Variants in MMS19 observed in about 807,000 individuals in gnomAD.
The protein encoded by MMS19 is MMS19 nucleotide excision repair protein homolog.
MMS19 carries 77 observed loss-of-function variants against 129.8 expected under a neutral mutation model. The observed-to-expected ratio is 0.59, with a 90% CI of 0.49 to 0.72. The LOEUF is 0.72. Among genes scored for constraint, MMS19 ranks in the 30% least tolerant of loss-of-function variants. The probability of loss-of-function intolerance (pLI) is 0.00; values close to 1 mark genes in which losing one functional copy is unlikely to be tolerated. For synonymous variants in MMS19, 491 were observed against 502.8 expected (o/e 0.98, Z 0.31); for missense variants, 1,168 against 1,266.3 (o/e 0.92, Z 1.18).
chr10:97,498,690 AC>A, upstream of MMS19: 1 of 421,468 alleles, frequency 2.4e-6, no homozygotes, highest in Non-Finnish European at 4.3e-6. Context: ...GAGGGGCGGT[AC>A]GCACCACGGG....
At chr10:97,459,127 C>T (rs1229459092) in intron 29 of MMS19, 96 bp downstream of exon 29, 2 of 1,225,412 alleles carry the variant, frequency 1.6e-6, no homozygotes, top group Admixed American at 2.4e-5. Context: ...CTCAATTACA[C>T]ACCAGGGTGG....
chr10:97,484,044 A>G, intron 2 of MMS19, 59 bp downstream of exon 2: 1 of 1,188,660 alleles, frequency 8.4e-7, no homozygotes, highest in Non-Finnish European at 1.2e-6. Context: ...GCGCAAAAGT[A>G]ACTTTTCAGA....
At chr10:97,458,770 C>T (rs377635819) in intron 30 of MMS19, 30 bp downstream of exon 30, 6 of 1,613,490 alleles carry the variant, frequency 3.7e-6, no homozygotes, top group South Asian at 2.2e-5. Flanking sequence ...TCATCTTGGT[C>T]CCATCTCTCC....
At chr10:97,465,733 C>T in intron 18 of MMS19, 72 bp downstream of exon 18, 2 of 1,438,362 alleles carry the variant, frequency 1.4e-6, no homozygotes, top group South Asian at 1.3e-5. Flanking sequence ...ATAGCTACAG[C>T]TAGAACCACT....
chr10:97,468,897 C>G, intron 12 of MMS19, 69 bp downstream of exon 12: 1 of 1,512,884 alleles, frequency 6.6e-7, no homozygotes, highest in Non-Finnish European at 8.9e-7. Context: ...GCGTGAGCCA[C>G]CGCACCCAGG....
chr10:97,459,596 C>T, intron 27 of MMS19, 63 bp downstream of exon 27: 1 of 1,599,414 alleles, frequency 6.3e-7, no homozygotes, highest in Admixed American at 1.7e-5. Context: ...CCTCCCCTTT[C>T]TAGCCCCATC....
chr10:97,471,533 CAG>C (rs1380189322), intron 8 of MMS19, among the ~76,000 whole-genome samples: 1 of 151,752 alleles, frequency 6.6e-6, no homozygotes, highest in Non-Finnish European at 1.5e-5. Context: ...TTTTTTGAGA[CAG>C]AGTCTCACTC....
rs182817405 is a variant in MMS19, at chr10:97,466,216, T to A, written c.1506-57A>T. On this transcript the variant is annotated intron_variant, in intron 16 of 30. Transcript: ENST00000438925. ...AGCCTGGGCTCACAGCTCTCTTGCCTACGTCTGATATTAGGCAGATTCAGG... is the reference window on the plus strand; with the variant it reads ...AGCCTGGGCTCACAGCTCTCTTGCCAACGTCTGATATTAGGCAGATTCAGG... 3.9e-5 allele frequency: 55 copies of A among 1,395,466 alleles called. No homozygotes were observed. In the Admixed American group the frequency reaches 1.0e-3, roughly 26 times the overall value. 86.4% of individuals were successfully genotyped at this position (1,395,466 alleles called of 1,614,324 possible).
At chr10:97,495,138 A>G (rs1441571762) in intron 1 of MMS19, among the ~76,000 whole-genome samples, 1 of 152,226 alleles carries the variant, frequency 6.6e-6, no homozygotes, top group Non-Finnish European at 1.5e-5. Flanking sequence ...CTTCGATTAC[A>G]CAGAGCTAGT....
rs1163008090 is a variant in MMS19 at position 97,484,088 on chromosome 10, AGCAGAG to A, written c.161+9_161+14del. ...TCAGGGTTGGAGAAGAACATTCTAT[AGCAGAG>A]GCTCTTACCCAAGGGCTTCCACAAC... On this transcript the variant is annotated intron_variant, in intron 2 of 30. Transcript: ENST00000438925. The A allele has an allele frequency of 1.3e-6, 2 of 1,520,214 alleles. No homozygotes were observed. The highest frequency in any genetic ancestry group is 2.4e-5 in the East Asian group (1 of 41,574). 94.2% of individuals were successfully genotyped at this position (1,520,214 alleles called of 1,614,324 possible). A position where few individuals can be genotyped will look rare whatever the true frequency, so the allele number is the denominator to read the frequency against.
At chr10:97,470,928 C>A in intron 8 of MMS19, 67 bp from the exon 9 acceptor site, 1 of 1,325,122 alleles carries the variant, frequency 7.5e-7, no homozygotes, top group Non-Finnish European at 1.1e-6. Context: ...AGGCTCGAAC[C>A]TGGTAACCCT....
rs2031924209 is a variant in MMS19, at chr10:97,461,540, G to A, written c.2267C>T (p.Ala756Val). 1 of 1,605,270 alleles carries A rather than the reference G, an allele frequency of 6.2e-7. No individual in the cohort carries two copies. The highest frequency in any genetic ancestry group is 8.5e-7 in the Non-Finnish European group (1 of 1,175,868). Reference protein sequence around the residue: ...CCHSCPFSSTAAAKCFAGLLN... With the variant: ...CCHSCPFSSTVAAKCFAGLLN... ...GAGTCCTGCAAAGCACTTGGCAGCA[G>A]CGGTGGAAGAAAAGGGGCAGCTGTG... The change falls in exon 23 of 31, where the codon GCT (alanine) becomes GTT (valine). Residue 756 changes from alanine (A) to valine (V), a missense_variant. Physicochemically the swap from Ala to Val is moderately conservative, Grantham distance 64. Around this residue, in one of 3 missense-constraint regions of MMS19, gnomAD observed 831 missense variants for 910.8 expected, o/e 0.91. Transcript: ENST00000438925.
In MMS19 at chr10:97,468,351, C is replaced by A; in HGVS notation, c.1119G>T (p.Lys373Asn). The A allele has an allele frequency of 6.2e-7, 1 of 1,613,152 alleles. No homozygotes were observed. Among genetic ancestry groups the A allele is most frequent in the Non-Finnish European group, 8.5e-7 (1 of 1,179,402 alleles). ...PDMKLVWPSA[K>N]LLQAAAGASA... ...ATGCACCTGCAGCTGCCTGCAACAG[C>A]TTGGCACTAGGCCACACCAGTTTCA... is the stretch of plus-strand genomic sequence containing the variant. Residue 373 changes from lysine (K) to asparagine (N), a missense_variant, in exon 13 of 31, where the codon AAG becomes AAT. Lys to Asn is a moderately conservative substitution (Grantham distance 94). Transcript: ENST00000438925.
At chr10:97,488,921 G>C (rs1463590003) in intron 1 of MMS19, among the ~76,000 whole-genome samples, 1 of 152,122 alleles carries the variant, frequency 6.6e-6, no homozygotes, top group African/African-American at 2.4e-5. Context: ...CCATACAATG[G>C]AATTCTCTGT....
At chr10:97,460,342 G>A in intron 25 of MMS19, 110 bp from the exon 26 acceptor site, 1 of 1,034,960 alleles carries the variant, frequency 9.7e-7, no homozygotes, top group Non-Finnish European at 1.4e-6. Flanking sequence ...AGCACTTTGG[G>A]AGGCCAAGGC....
At chr10:97,465,487 T>C (rs189134021) in intron 18 of MMS19, among the ~76,000 whole-genome samples, 331 of 152,304 alleles carry the variant, frequency 2.2e-3, no homozygotes, top group Middle Eastern at 0.02. Context: ...GTATTTTTAG[T>C]AGAGACTGGG....
chr10:97,484,202 A>C, intron 1 of MMS19, 51 bp from the exon 2 acceptor site: 1 of 1,217,660 alleles, frequency 8.2e-7, no homozygotes, highest in Non-Finnish European at 1.1e-6. Context: ...AAACCTACCA[A>C]AGGGTTGAAT....
upstream of MMS19, chr10:97,498,703 G>A (rs1338271074): frequency 7.8e-6 from 3 of 386,254 alleles, no homozygotes; most frequent in Non-Finnish European, 1.4e-5. Context: ...CACCACGGGG[G>A]AAGCCAATGA....
At chr10:97,466,288 C>G in intron 16 of MMS19, 129 bp from the exon 17 acceptor site, 1 of 800,996 alleles carries the variant, frequency 1.2e-6, no homozygotes, top group Non-Finnish European at 2.1e-6. Context: ...AACTCAAGTA[C>G]CTACACCACT....
Sources: allele counts gnomAD v4.1 joint callset (sites outside exome capture counted in the v4.1 genomes callset), GRCh38; gene constraint gnomAD v4.1.1; regional missense constraint gnomAD v4.1.1; transcripts MANE v1.5; gene names NCBI Gene and HGNC (gene_info 2026-07-23, HGNC 2026-07-21).